The following AFG3L2 variants were observed in gnomAD, a reference collection of about 807,000 sequenced individuals.
The protein encoded by AFG3L2 is AFG3 like matrix AAA peptidase subunit 2, also known as mitochondrial inner membrane m-AAA protease component AFG3L2.
AFG3L2 carries 54 observed loss-of-function variants against 94.5 expected under a neutral mutation model. The ratio of observed to expected loss-of-function variants is 0.57; its 90% CI spans 0.46 to 0.72. The LOEUF (loss-of-function observed/expected upper bound fraction) is 0.72, where lower values mean the gene tolerates loss of function less well. Ranked by LOEUF, AFG3L2 falls within the 30% of genes least tolerant of loss-of-function variation. The pLI is 0.00. For missense variants in AFG3L2, 754 were observed against 994.9 expected (o/e 0.76, Z 3.26); for synonymous variants, 377 against 365.5 (o/e 1.03, Z -0.36).
intron 7 of AFG3L2, 41 bp downstream of exon 7, chr18:12,359,886 A>G: frequency 6.2e-7 from 1 of 1,610,500 alleles, no homozygotes; most frequent in Non-Finnish European, 8.5e-7. Context: ...AACCACAGGC[A>G]GCACAGTCAA....
At chr18:12,345,072 A>G (rs1435198624) in intron 13 of AFG3L2, among the ~76,000 whole-genome samples, 1 of 152,224 alleles carries the variant, frequency 6.6e-6, no homozygotes, top group Non-Finnish European at 1.5e-5. Flanking sequence ...GAAAGCAGGC[A>G]GCCAGTTCAA....
At position 12,353,006 on chromosome 18, in the gene AFG3L2, A is replaced by C; in HGVS notation, c.1317T>G (p.Asp439Glu). ...NTLNQLLVEM[D>E]GFNTTTNVVI... is the part of the protein sequence containing the mutation. ...GATACAAAAGCCTTGACCACTCACC[A>C]TCCATCTCCACCAGCAGCTGGTTGA... Residue 439 changes from aspartate to glutamate, a missense_variant and splice_region_variant, in exon 10 of 17, where the codon GAT (aspartate) becomes GAG (glutamate). Physicochemically the swap from Asp to Glu is conservative, Grantham distance 45. This residue lies in a region of AFG3L2 where 109 missense variants were observed against 227.1 expected (regional missense o/e 0.48). Transcript: ENST00000269143. The C allele has an allele frequency of 6.2e-7, 1 of 1,613,164 alleles. No homozygotes were observed. The highest frequency in any genetic ancestry group is 8.5e-7 in the Non-Finnish European group (1 of 1,179,832).
In AFG3L2 at chr18:12,344,256, AT is replaced by A; in HGVS notation, c.1664-10del. Reference sequence around the variant, plus strand: ...CGTTTTCTTCTCTAAGCCTAACAAAATAACAACAAAAAAACCCAAGCCATTG... The same window carrying A: ...CGTTTTCTTCTCTAAGCCTAACAAAAAACAACAAAAAAACCCAAGCCATTG... On this transcript the variant is annotated splice_polypyrimidine_tract_variant and intron_variant, in intron 13 of 16. Coordinates refer to ENST00000269143, the MANE Select transcript of AFG3L2 (RefSeq NM_006796.3). 6.2e-7 allele frequency: 1 copy of A among 1,610,024 alleles called. No homozygotes were observed. Among genetic ancestry groups the A allele is most frequent in the African/African-American group, 1.3e-5 (1 of 74,948 alleles).
intron 3 of AFG3L2, among the ~76,000 whole-genome samples, chr18:12,367,688 G>A (rs1050485638): frequency 6.6e-6 from 1 of 152,198 alleles, no homozygotes; most frequent in African/African-American, 2.4e-5. Flanking sequence ...TTGGATGGGT[G>A]GCAGTGTTAG....
chr18:12,358,958 C>A lies in AFG3L2; in HGVS notation c.753-15G>T, dbSNP rs377707885. The A allele has an allele frequency of 1.9e-6, 3 of 1,605,264 alleles. No individual in the cohort carries two copies. The highest frequency in any genetic ancestry group is 1.7e-6 in the Non-Finnish European group (2 of 1,175,694). On this transcript the variant is annotated splice_polypyrimidine_tract_variant and intron_variant, in intron 7 of 16. Transcript: ENST00000269143. ...GCAGAAAAGAGCTGGGGACACACAG[C>A]GCAACACGGGTTAGGACTGGCTGCT...
intron 6 of AFG3L2, among the ~76,000 whole-genome samples, chr18:12,363,076 T>C (rs1457605704): frequency 6.6e-6 from 1 of 152,234 alleles, no homozygotes; most frequent in Non-Finnish European, 1.5e-5. Context: ...TTCTGCTATT[T>C]GCTGACATGC....
At chr18:12,373,696 A>C (rs1278529589) in intron 1 of AFG3L2, among the ~76,000 whole-genome samples, 4 of 152,210 alleles carry the variant, frequency 2.6e-5, no homozygotes, top group Non-Finnish European at 5.9e-5. Context: ...ATGCTAGGTC[A>C]AATTATGGCA....
At chr18:12,369,469 G>A (rs762345237) in intron 3 of AFG3L2, among the ~76,000 whole-genome samples, 11 of 152,268 alleles carry the variant, frequency 7.2e-5, no homozygotes, top group Non-Finnish European at 1.5e-4. Flanking sequence ...CAGTGGTCAC[G>A]CCTGTAATCC....
At chr18:12,335,909 T>C (rs1296090563) in intron 16 of AFG3L2, among the ~76,000 whole-genome samples, 2 of 152,216 alleles carry the variant, frequency 1.3e-5, no homozygotes, top group African/African-American at 4.8e-5. Context: ...AAGTCTAACA[T>C]AGGGGTTATA....
At chr18:12,365,871 C>CTTTTTT (rs576247423) in intron 5 of AFG3L2, among the ~76,000 whole-genome samples, 23 of 113,796 alleles carry the variant, frequency 2.0e-4, no homozygotes, top group Non-Finnish European at 2.3e-4. Flanking sequence ...TGCATCAATT[C>CTTTTTT]TTTTTTTTTT....
chr18:12,347,277 T>A (rs1239715444), intron 13 of AFG3L2, among the ~76,000 whole-genome samples: 9 of 152,260 alleles, frequency 5.9e-5, no homozygotes, highest in Non-Finnish European at 1.3e-4. Context: ...CAGGGTAGAC[T>A]GCCTCAAGTC....
chr18:12,347,722 T>C (rs372309222), intron 13 of AFG3L2, among the ~76,000 whole-genome samples: 1 of 152,048 alleles, frequency 6.6e-6, no homozygotes, highest in East Asian at 1.9e-4. Context: ...GGCTAATCTT[T>C]GTATTTTTAG....
intron 2 of AFG3L2, among the ~76,000 whole-genome samples, chr18:12,371,200 G>A (rs1908977723): frequency 6.6e-6 from 1 of 151,918 alleles, no homozygotes; most frequent in Admixed American, 6.6e-5. Flanking sequence ...TGTAATCCCA[G>A]CTACTCGGGA....
chr18:12,337,197 A>G (rs1327019508), intron 16 of AFG3L2, 144 bp downstream of exon 16: 1 of 760,880 alleles, frequency 1.3e-6, no homozygotes, highest in Non-Finnish European at 2.3e-6. Flanking sequence ...CAGAGCAGAC[A>G]ACGAAACATC....
intron 16 of AFG3L2, among the ~76,000 whole-genome samples, chr18:12,336,688 A>G (rs1209419103): frequency 6.6e-6 from 1 of 152,166 alleles, no homozygotes; most frequent in Non-Finnish European, 1.5e-5. Flanking sequence ...AGGCTTTTAC[A>G]TTTGTGTTTT....
At chr18:12,347,942 T>C (rs1482043562) in intron 13 of AFG3L2, among the ~76,000 whole-genome samples, 1 of 152,198 alleles carries the variant, frequency 6.6e-6, no homozygotes, top group Non-Finnish European at 1.5e-5. Context: ...TTGTGAGCTT[T>C]TTAACAAACT....
chr18:12,337,708 C>T (rs534485226), intron 15 of AFG3L2, among the ~76,000 whole-genome samples, 173 bp from the exon 16 acceptor site: 3 of 152,276 alleles, frequency 2.0e-5, no homozygotes, highest in East Asian at 1.9e-4. Flanking sequence ...AGCCAGAAGC[C>T]CAGGCATAAC....
intron 13 of AFG3L2, 133 bp downstream of exon 13, chr18:12,348,140 G>C (rs1181927826): frequency 2.7e-6 from 2 of 752,770 alleles, no homozygotes; most frequent in African/African-American, 3.5e-5. Context: ...CACCAAGAGA[G>C]CACAAATGTG....
At position 12,346,916 on chromosome 18, in the gene AFG3L2, A is replaced by G. The variant is rs1157611725; in HGVS notation, c.1663+1357T>C. Among the ~76,000 whole-genome samples, 4 of 149,396 alleles carry G rather than the reference A, an allele frequency of 2.7e-5. No individual in the cohort carries two copies. In the East Asian group the frequency reaches 5.9e-4, roughly 22 times the overall value. On this transcript the variant is annotated intron_variant, in intron 13 of 16. Transcript: ENST00000269143. Reference sequence around the variant, plus strand: ...AAGACTCCATCTCAAAAAAAAAAAAAAAAAAAAAAAAGGAGTTAGAGACCA... The same window carrying G: ...AAGACTCCATCTCAAAAAAAAAAAAGAAAAAAAAAAAGGAGTTAGAGACCA...
Sources: gnomAD v4.1 joint callset for allele counts (sites outside exome capture counted in the v4.1 genomes callset) on GRCh38, gnomAD v4.1.1 for gene constraint, gnomAD v4.1.1 regional missense constraint, MANE v1.5 for transcripts, NCBI Gene and HGNC (gene_info 2026-07-23, HGNC 2026-07-21) for gene names.